SS18L1: variants seen among roughly 807,000 people sequenced by gnomAD.
SS18L1 encodes SS18L1 subunit of BAF chromatin remodeling complex, also known as calcium-responsive transactivator.
Under a neutral mutation model 70.3 loss-of-function variants are expected in SS18L1, and 32 were observed. The ratio of observed to expected loss-of-function variants is 0.46; its 90% CI spans 0.34 to 0.61. The LOEUF (loss-of-function observed/expected upper bound fraction) is 0.61. SS18L1 is among the 20% of genes least tolerant of loss of function. SS18L1 has a pLI of 0.01. For synonymous variants in SS18L1, 237 were observed against 229.7 expected (o/e 1.03, Z -0.29); for missense variants, 430 against 542.1 (o/e 0.79, Z 2.05).
At chr20:62,163,734 G>A in intron 6 of SS18L1, 112 bp downstream of exon 6, 1 of 1,371,500 alleles carries the variant, frequency 7.3e-7, no homozygotes, top group Non-Finnish European at 9.6e-7. Context: ...CGGGGAGCCT[G>A]GGGGAGTGAG....
chr20:62,177,983 G>A (rs1455708947), intron 10 of SS18L1, among the ~76,000 whole-genome samples: 5 of 139,044 alleles, frequency 3.6e-5, no homozygotes, highest in Non-Finnish European at 7.6e-5. Context: ...TGCTGGGACT[G>A]TAATCCTACA....
intron 1 of SS18L1, among the ~76,000 whole-genome samples, chr20:62,148,084 T>G (rs2057063430): frequency 6.6e-6 from 1 of 152,182 alleles, no homozygotes; most frequent in East Asian, 1.9e-4. Flanking sequence ...GCGTTCCTCC[T>G]GCGATCAGAG....
At chr20:62,171,490 T>C (rs993802118) in intron 8 of SS18L1, among the ~76,000 whole-genome samples, 1 of 152,212 alleles carries the variant, frequency 6.6e-6, no homozygotes, top group South Asian at 2.1e-4. Context: ...AAGTAAGTTT[T>C]TCCGAAGCTC....
intron 10 of SS18L1, among the ~76,000 whole-genome samples, chr20:62,177,511 C>G (rs2057640901): frequency 6.6e-6 from 1 of 152,230 alleles, no homozygotes; most frequent in Admixed American, 6.5e-5. Flanking sequence ...CTCCCTCCCC[C>G]ACTTCCTCGC....
chr20:62,177,296 G>C (rs1200589715), intron 10 of SS18L1, among the ~76,000 whole-genome samples: 3 of 151,628 alleles, frequency 2.0e-5, no homozygotes, highest in African/African-American at 4.9e-5. Context: ...AAAAAAAGGT[G>C]CTGAGGCATT....
intron 8 of SS18L1, among the ~76,000 whole-genome samples, chr20:62,171,206 A>G (rs1258317987): frequency 6.6e-6 from 1 of 152,044 alleles, no homozygotes; most frequent in African/African-American, 2.4e-5. Flanking sequence ...CCGGCCACAA[A>G]CTGGCTCCTT....
intron 10 of SS18L1, among the ~76,000 whole-genome samples, chr20:62,178,467 C>CT (rs1472550238): frequency 6.6e-6 from 1 of 152,018 alleles, no homozygotes; most frequent in Non-Finnish European, 1.5e-5. Context: ...CTAATTTTTT[C>CT]TCTTTTTTTG....
chr20:62,168,666 T>G lies in SS18L1; in HGVS notation c.916+3152T>G, dbSNP rs544159076. Among the ~76,000 whole-genome samples the G allele has an allele frequency of 2.0e-5, 3 of 152,088 alleles. No homozygotes were observed. In the East Asian group the frequency reaches 5.8e-4, roughly 29 times the overall value. On this transcript the variant is annotated intron_variant, in intron 8 of 10. Coordinates refer to ENST00000331758, the MANE Select transcript of SS18L1 (RefSeq NM_198935.3). Reference sequence around the variant, plus strand: ...AGACCCCCTCTCTACTAAAAAACATTAGCCAGGTGTGGTGGCATGCGCCTG... The same window carrying G: ...AGACCCCCTCTCTACTAAAAAACATGAGCCAGGTGTGGTGGCATGCGCCTG...
intron 10 of SS18L1, 137 bp from the exon 11 acceptor site, chr20:62,179,044 TC>T: frequency 1.1e-6 from 1 of 876,882 alleles, no homozygotes; most frequent in Non-Finnish European, 1.8e-6. Flanking sequence ...GGAAAGTCGT[TC>T]GCTGCCCCGC....
In SS18L1 at chr20:62,150,633, A is replaced by AATTTTTTTTTTTTT. The variant is rs1199902967; in HGVS notation, c.69+6744_69+6745insATTTTTTTTTTTTT. Among the ~76,000 whole-genome samples the AATTTTTTTTTTTTT allele has an allele frequency of 2.4e-4, 14 of 58,030 alleles. 1 individual carries two copies. The highest frequency in any genetic ancestry group is 3.2e-4 in the Non-Finnish European group (9 of 28,250). The allele number at this position is 58,030 out of a possible 152,430, so 38.1% of individuals were successfully genotyped here. The stretch of plus-strand genomic sequence containing the variant: ...CGGAGCATAAGAAACATTGAGGTGG[A>AATTTTTTTTTTTTT]TTTTTTTTTTTTTTTTTTTTTTTTT... On this transcript the variant is annotated intron_variant, in intron 1 of 10. Coordinates refer to ENST00000331758, the MANE Select transcript of SS18L1 (RefSeq NM_198935.3).
intron 8 of SS18L1, among the ~76,000 whole-genome samples, chr20:62,166,673 C>G (rs930470165): frequency 1.3e-5 from 2 of 151,742 alleles, no homozygotes; most frequent in African/African-American, 2.4e-5. Flanking sequence ...GCCTATAATC[C>G]CAGCACTTTA....
At chr20:62,150,312 A>G (rs916990477) in intron 1 of SS18L1, among the ~76,000 whole-genome samples, 23 of 152,344 alleles carry the variant, frequency 1.5e-4, no homozygotes, top group African/African-American at 4.3e-4. Flanking sequence ...GGCTGGGCTC[A>G]GAGGGAAGGA....
intron 1 of SS18L1, among the ~76,000 whole-genome samples, chr20:62,144,612 G>A (rs1239865075): frequency 6.6e-6 from 1 of 152,270 alleles, no homozygotes; most frequent in Non-Finnish European, 1.5e-5. Flanking sequence ...AAACTTGACG[G>A]ATTTGCTCCA....
chr20:62,160,063 C>A, intron 3 of SS18L1, 102 bp downstream of exon 3: 1 of 1,229,736 alleles, frequency 8.1e-7, no homozygotes, highest in Non-Finnish European at 1.1e-6. Flanking sequence ...AAAGATGACT[C>A]AGAGAAACCA....
rs1427265391 is a variant in SS18L1 at position 62,159,355 on chromosome 20, A to C, written c.147-522A>C. On this transcript the variant is annotated intron_variant, in intron 2 of 10. Transcript: ENST00000331758. This position sits in a 1 kb window ranked among gnomAD's most constrained non-coding sequence, Gnocchi z 4.4. ...AGGTGGGAAGTGCGTGAATGGCCTCAGACACCCCTGGGTGTGGGTGGGGTG... is the reference window on the plus strand; with the variant it reads ...AGGTGGGAAGTGCGTGAATGGCCTCCGACACCCCTGGGTGTGGGTGGGGTG... 1.3e-5 allele frequency among the ~76,000 whole-genome samples: 2 copies of C among 152,176 alleles called. No homozygotes were observed. Among genetic ancestry groups the C allele is most frequent in the Non-Finnish European group, 2.9e-5 (2 of 68,010 alleles).
chr20:62,143,950 C>T (rs2056971819), intron 1 of SS18L1, 61 bp downstream of exon 1: 2 of 952,238 alleles, frequency 2.1e-6, no homozygotes, highest in Non-Finnish European at 2.5e-6. Flanking sequence ...CGCGCGGGGA[C>T]GGGGCGCGGG....
chr20:62,179,041 C>G (rs770815489), intron 10 of SS18L1, 141 bp from the exon 11 acceptor site: 67 of 823,750 alleles, frequency 8.1e-5, no homozygotes, highest in Non-Finnish European at 1.3e-4. Context: ...TCTGGAAAGT[C>G]GTTCGCTGCC....
At chr20:62,173,125 G>A (rs1439609204) in intron 9 of SS18L1, among the ~76,000 whole-genome samples, 2 of 152,196 alleles carry the variant, frequency 1.3e-5, no homozygotes, top group Non-Finnish European at 2.9e-5. Context: ...CATTGCCCAC[G>A]TGGCCTGTGA....
chr20:62,162,795 G>A lies in SS18L1; in HGVS notation c.420G>A (p.Leu140=). 6.2e-7 allele frequency: 1 copy of A among 1,612,678 alleles called. No individual in the cohort carries two copies. The highest frequency in any genetic ancestry group is 8.5e-7 in the Non-Finnish European group (1 of 1,179,870). Residue 140 remains leucine (L), a synonymous_variant, in exon 5 of 11, where the codon CTG becomes CTA. Coordinates refer to ENST00000331758, the MANE Select transcript of SS18L1 (RefSeq NM_198935.3). ...VSMQQTAPNT[L]PTTSMSISGP... ...TGCAGCAGACGGCGCCTAACACGCT[G>A]CCCACCACCTCCATGAGCATCTCTG...
Sources: allele counts gnomAD v4.1 joint callset (sites outside exome capture counted in the v4.1 genomes callset), GRCh38; gene constraint gnomAD v4.1.1; non-coding constraint Gnocchi (gnomAD v3.1); transcripts MANE v1.5; gene names NCBI Gene and HGNC (gene_info 2026-07-23, HGNC 2026-07-21).